RBFOX1: variants seen among roughly 807,000 people sequenced by gnomAD.
RBFOX1 encodes RNA binding fox-1 homolog 1, also known as RNA binding protein fox-1 homolog 1.
RBFOX1 carries 8 observed loss-of-function variants against 57.7 expected under a neutral mutation model. The observed-to-expected ratio is 0.14, with a 90% CI of 0.08 to 0.25. The LOEUF is 0.25. RBFOX1 is among the 10% of genes least tolerant of loss of function. The pLI, the probability that RBFOX1 is intolerant of heterozygous loss-of-function variation, is 1.00. For missense variants in RBFOX1, 611 were observed against 548.5 expected (o/e 1.11, Z -1.14); for synonymous variants, 326 against 222.4 (o/e 1.47, Z -4.15).
chr16:6,814,465 T>A (rs984590402), intron 3 of RBFOX1, among the ~76,000 whole-genome samples: 3 of 152,216 alleles, frequency 2.0e-5, no homozygotes, highest in African/African-American at 7.2e-5. Flanking sequence ...AAGGTAGATG[T>A]GGCTTCTAGC....
In RBFOX1 at chr16:7,112,377, TA is replaced by T. The variant is rs1403657675; in HGVS notation, c.27+60280del. On this transcript the variant is annotated intron_variant, in intron 4 of 15. Transcript: ENST00000550418. ...GCCACCACACCTGGCTAATTTTTTG[TA>T]TTTTTTTTTTTTTTTGTAGAGACGT... Among the ~76,000 whole-genome samples, 27 of 47,190 alleles carry T rather than the reference TA, an allele frequency of 5.7e-4. No individual in the cohort carries two copies. In the East Asian group the frequency reaches 0.017, roughly 30 times the overall value. The allele number at this position is 47,190 out of a possible 152,430, so 31.0% of individuals were successfully genotyped here.
intron 4 of RBFOX1, among the ~76,000 whole-genome samples, chr16:5,897,084 G>A (rs995030835): frequency 2.3e-5 from 3 of 131,726 alleles, no homozygotes; most frequent in African/African-American, 5.6e-5. Flanking sequence ...GCCGGACTGC[G>A]GACTGCAGTG....
chr16:6,867,242 T>C (rs1258397302), intron 3 of RBFOX1, among the ~76,000 whole-genome samples: 2 of 152,126 alleles, frequency 1.3e-5, no homozygotes, highest in African/African-American at 4.8e-5. Flanking sequence ...AAAATACTTT[T>C]TTTCTTCCTT....
intron 3 of RBFOX1, among the ~76,000 whole-genome samples, chr16:6,853,526 A>C (rs957229879): frequency 6.6e-6 from 1 of 152,092 alleles, no homozygotes; most frequent in African/African-American, 2.4e-5. Flanking sequence ...GGACTCTGAC[A>C]GTGGTAGATG....
intron 2 of RBFOX1, among the ~76,000 whole-genome samples, chr16:6,613,425 G>C (rs2098096917): frequency 6.6e-6 from 1 of 152,116 alleles, no homozygotes; most frequent in Admixed American, 6.5e-5. Flanking sequence ...ATACGGTGTG[G>C]TGTTTAGTAC....
At chr16:6,917,521 C>G (rs1288222632) in intron 3 of RBFOX1, among the ~76,000 whole-genome samples, 1 of 152,174 alleles carries the variant, frequency 6.6e-6, no homozygotes, top group Non-Finnish European at 1.5e-5. Context: ...ACACTCTGTC[C>G]AAAGGAAGAT....
chr16:5,279,371 A>G (rs970434814), intron 1 of RBFOX1, among the ~76,000 whole-genome samples: 6 of 151,994 alleles, frequency 3.9e-5, no homozygotes, highest in African/African-American at 1.5e-4. Flanking sequence ...GCTATTGTAA[A>G]TAGAATTTCT....
chr16:6,913,240 C>T (rs1269374408), intron 3 of RBFOX1, among the ~76,000 whole-genome samples: 2 of 152,058 alleles, frequency 1.3e-5, no homozygotes, highest in Non-Finnish European at 2.9e-5. Flanking sequence ...TATCTGTCCA[C>T]CTATTTAACT....
intron 5 of RBFOX1, among the ~76,000 whole-genome samples, chr16:7,538,301 G>A (rs570583652): frequency 2.0e-4 from 31 of 152,214 alleles, no homozygotes; most frequent in Non-Finnish European, 4.1e-4. Flanking sequence ...GTCCAGCAAT[G>A]GTATGTGCTG....
Position 6,572,876 on chromosome 16 carries a change from G to C in RBFOX1, c.-63-81727G>C, listed in dbSNP as rs1044477893. ...CCCAAAGTGTTGGGATTTCAGGAGT[G>C]ATCCCGCATGCCCAGCCATCAATAA... On this transcript the variant is annotated intron_variant, in intron 2 of 15. Coordinates refer to ENST00000550418, the MANE Select transcript of RBFOX1 (RefSeq NM_018723.4). Among the ~76,000 whole-genome samples, 4 of 152,228 alleles carry C rather than the reference G, an allele frequency of 2.6e-5. No homozygotes were observed. The South Asian group carries it at 8.3e-4, about 32-fold the overall frequency.
At chr16:6,186,530 G>A (rs1015849224) in intron 1 of RBFOX1, among the ~76,000 whole-genome samples, 4 of 152,140 alleles carry the variant, frequency 2.6e-5, no homozygotes, top group Non-Finnish European at 4.4e-5. Context: ...GAGAGGGGCG[G>A]GGAGGAGTGT....
intron 4 of RBFOX1, among the ~76,000 whole-genome samples, chr16:7,097,698 C>T (rs1171425418): frequency 6.6e-6 from 1 of 152,156 alleles, no homozygotes; most frequent in East Asian, 1.9e-4. Context: ...GAAACCTGCT[C>T]CCCAAACTTG....
At chr16:6,096,659 C>A in intron 1 of RBFOX1, among the ~76,000 whole-genome samples, 1 of 152,204 alleles carries the variant, frequency 6.6e-6, no homozygotes, top group East Asian at 1.9e-4. Flanking sequence ...TGGCATCAAT[C>A]TTACAGTTTA....
chr16:7,289,898 A>T (rs753842330), intron 4 of RBFOX1, among the ~76,000 whole-genome samples: 6 of 152,332 alleles, frequency 3.9e-5, no homozygotes, highest in African/African-American at 1.2e-4. Flanking sequence ...ATTCAGAACC[A>T]GGAGGTCTGC....
chr16:6,920,447 C>A (rs1051915367), intron 3 of RBFOX1, among the ~76,000 whole-genome samples: 3 of 152,054 alleles, frequency 2.0e-5, no homozygotes, highest in South Asian at 2.1e-4. Context: ...TAAGTTGATA[C>A]GAAAAAGTTA....
chr16:6,025,236 G>C (rs1239296886), intron 1 of RBFOX1, among the ~76,000 whole-genome samples: 1 of 152,206 alleles, frequency 6.6e-6, no homozygotes, highest in Admixed American at 6.5e-5. Flanking sequence ...ACCAGATTTG[G>C]TCTGTGGACG....
intron 3 of RBFOX1, among the ~76,000 whole-genome samples, chr16:6,719,551 C>G (rs895133744): frequency 2.0e-5 from 3 of 151,436 alleles, no homozygotes; most frequent in African/African-American, 7.3e-5. Flanking sequence ...TGCCATTCTT[C>G]TGCCTCAGCC....
At chr16:6,730,735 G>A (rs2068355123) in intron 3 of RBFOX1, among the ~76,000 whole-genome samples, 1 of 152,214 alleles carries the variant, frequency 6.6e-6, no homozygotes, top group African/African-American at 2.4e-5. Context: ...GGGGCAAACA[G>A]ACAAAACCGA....
At chr16:6,771,726 G>A (rs2078328724) in intron 3 of RBFOX1, among the ~76,000 whole-genome samples, 2 of 152,208 alleles carry the variant, frequency 1.3e-5, no homozygotes, top group African/African-American at 4.8e-5. Context: ...GCGTCTAGCG[G>A]GTGGAGGCCA....
Sources: gnomAD v4.1 joint callset for allele counts (sites outside exome capture counted in the v4.1 genomes callset) on GRCh38, gnomAD v4.1.1 for gene constraint, MANE v1.5 for transcripts, NCBI Gene and HGNC (gene_info 2026-07-23, HGNC 2026-07-21) for gene names.